The following TMCC1 variants were observed in gnomAD, a reference collection of about 807,000 sequenced individuals.
TMCC1 encodes transmembrane and coiled-coil domain family 1, also known as transmembrane and coiled-coil domains protein 1.
In TMCC1, 15 loss-of-function variants were observed where a neutral mutation model predicts 52.4. The ratio of observed to expected loss-of-function variants is 0.29; its 90% CI spans 0.19 to 0.44. The LOEUF is 0.44. Among genes scored for constraint, TMCC1 ranks in the 20% least tolerant of loss-of-function variants. The probability of loss-of-function intolerance (pLI) is 1.00; values close to 1 mark genes in which losing one functional copy is unlikely to be tolerated. For synonymous variants in TMCC1, 279 were observed against 301.9 expected, an observed-to-expected ratio of 0.92 and a Z score of 0.79; for missense variants, 503 against 806.0, an observed-to-expected ratio of 0.62 and a Z score of 4.55.
intron 2 of TMCC1, among the ~76,000 whole-genome samples, chr3:129,879,909 C>T (rs1451170625): frequency 1.3e-5 from 2 of 152,154 alleles, no homozygotes; most frequent in African/African-American, 2.4e-5. Context: ...CACAGTGGCT[C>T]ACACCTGTAA....
At chr3:129,665,744 C>G (rs1215421676) in intron 5 of TMCC1, among the ~76,000 whole-genome samples, 1 of 152,140 alleles carries the variant, frequency 6.6e-6, no homozygotes, top group Non-Finnish European at 1.5e-5. Context: ...TCAGACAAAA[C>G]TGGGTTTTGA....
At chr3:129,875,330 AT>A (rs139256934) in intron 2 of TMCC1, among the ~76,000 whole-genome samples, 2,336 of 152,000 alleles carry the variant, frequency 0.015, 46 homozygotes, top group African/African-American at 0.054. Context: ...TCTACTAAAA[AT>A]ACGAAAAAGA....
chr3:129,811,265 A>ATTTTTAAT (rs113538917), intron 4 of TMCC1, among the ~76,000 whole-genome samples: 1 of 152,010 alleles, frequency 6.6e-6, no homozygotes, highest in South Asian at 2.1e-4. Context: ...CATTTTATAT[A>ATTTTTAAT]TTATTTTTAA....
At chr3:129,809,385 T>G (rs540325724) in intron 4 of TMCC1, among the ~76,000 whole-genome samples, 1 of 152,252 alleles carries the variant, frequency 6.6e-6, no homozygotes, top group East Asian at 1.9e-4. Flanking sequence ...AAAGCAGATA[T>G]GACTTTTAAA....
chr3:129,649,620 G>A lies in TMCC1; in HGVS notation c.*1861C>T, dbSNP rs970387357. ...ATCCAGCTTGCCAAAGCAAAAGGAGGCTGGCACCATTAGGTAAACTGTCCT... is the reference window on the plus strand; with the variant it reads ...ATCCAGCTTGCCAAAGCAAAAGGAGACTGGCACCATTAGGTAAACTGTCCT... On this transcript the variant is annotated 3_prime_UTR_variant, in exon 7 of 7. Transcript: ENST00000393238. 2 of 152,554 alleles carry A rather than the reference G, an allele frequency of 1.3e-5. No homozygotes were observed. The highest frequency in any genetic ancestry group is 4.8e-5 in the African/African-American group (2 of 41,434). The allele number at this position is 152,554 out of a possible 1,614,324, so 9.5% of individuals were successfully genotyped here.
At chr3:129,819,979 A>C (rs1295706758) in intron 4 of TMCC1, 1 of 151,436 alleles carries the variant, frequency 6.6e-6, no homozygotes, top group Non-Finnish European at 1.5e-5. Flanking sequence ...TTCCCAGTGG[A>C]ACCCAGGAAG....
intron 2 of TMCC1, among the ~76,000 whole-genome samples, chr3:129,852,682 G>T (rs1037400485): frequency 2.0e-5 from 3 of 152,134 alleles, no homozygotes; most frequent in African/African-American, 7.2e-5. Context: ...AAATGGTTGA[G>T]ATGGTAAATT....
intron 4 of TMCC1, among the ~76,000 whole-genome samples, chr3:129,709,210 C>T (rs2048462673): frequency 6.6e-6 from 1 of 152,008 alleles, no homozygotes; most frequent in Non-Finnish European, 1.5e-5. Context: ...TGCCTGCAAT[C>T]CTAGCACTTT....
At chr3:129,868,145 A>AG (rs397970040) in intron 2 of TMCC1, among the ~76,000 whole-genome samples, 1 of 150,136 alleles carries the variant, frequency 6.7e-6, no homozygotes, top group African/African-American at 2.5e-5. Context: ...GGGGGGAAAA[A>AG]CCATACAAGC....
At chr3:129,696,089 C>CT (rs2047399374) in intron 4 of TMCC1, among the ~76,000 whole-genome samples, 1 of 152,172 alleles carries the variant, frequency 6.6e-6, no homozygotes, top group Non-Finnish European at 1.5e-5. Flanking sequence ...ACAGCTAGAT[C>CT]TTTTTCTTCC....
intron 4 of TMCC1, among the ~76,000 whole-genome samples, chr3:129,780,412 G>A (rs1379472576): frequency 6.6e-6 from 1 of 151,796 alleles, no homozygotes; most frequent in Non-Finnish European, 1.5e-5. Flanking sequence ...TTGACACTAA[G>A]CACCACCTCC....
chr3:129,800,925 A>ATTT (rs11394617), intron 4 of TMCC1, among the ~76,000 whole-genome samples: 2,798 of 117,810 alleles, frequency 0.024, 156 homozygotes, highest in Middle Eastern at 0.068. Context: ...ATCTCACACT[A>ATTT]TTTTTTTTTT....
Position 129,720,181 on chromosome 3 carries a change from CAAAAAAAA to C in TMCC1, c.577-48925_577-48918del, listed in dbSNP as rs765678095. ...TGGGCAACAGAGTAAGACCCTGTCTCAAAAAAAAAAAAAAAAAAAAAGAGATGGAATGT... is the reference window on the plus strand; with the variant it reads ...TGGGCAACAGAGTAAGACCCTGTCTCAAAAAAAAAAAAAGAGATGGAATGT... On this transcript the variant is annotated intron_variant, in intron 4 of 6. Coordinates refer to ENST00000393238, the MANE Select transcript of TMCC1 (RefSeq NM_001017395.5). Among the ~76,000 whole-genome samples the C allele has an allele frequency of 5.8e-4, 34 of 58,710 alleles. No individual in the cohort carries two copies. The East Asian group carries it at 6.6e-3, about 11-fold the overall frequency. The allele number at this position is 58,710 out of a possible 152,430, so 38.5% of individuals were successfully genotyped here. A position where few individuals can be genotyped will look rare whatever the true frequency, so the allele number is the denominator to read the frequency against.
At chr3:129,703,289 C>T (rs189214104) in intron 4 of TMCC1, among the ~76,000 whole-genome samples, 169 of 152,334 alleles carry the variant, frequency 1.1e-3, no homozygotes, top group African/African-American at 3.4e-3. Flanking sequence ...TGGCTACTTA[C>T]GGAAATCCAA....
intron 2 of TMCC1, among the ~76,000 whole-genome samples, chr3:129,850,543 G>A (rs190484974): frequency 1.3e-5 from 2 of 152,240 alleles, no homozygotes; most frequent in East Asian, 3.9e-4. Flanking sequence ...TTCAACAGTG[G>A]GGCTTCTCTG....
At chr3:129,870,727 G>A (rs1166277779) in intron 2 of TMCC1, among the ~76,000 whole-genome samples, 1 of 18,836 alleles carries the variant, frequency 5.3e-5, no homozygotes, top group African/African-American at 1.6e-4. Flanking sequence ...GCGGGGGGGG[G>A]GGGGGGGGGG....
At chr3:129,758,598 G>A (rs923794956) in intron 4 of TMCC1, among the ~76,000 whole-genome samples, 2 of 152,168 alleles carry the variant, frequency 1.3e-5, no homozygotes, top group Non-Finnish European at 2.9e-5. Flanking sequence ...CTTTATGTTA[G>A]TATCATAAAG....
chr3:129,741,322 T>C (rs1010528653), intron 4 of TMCC1, among the ~76,000 whole-genome samples: 1 of 152,182 alleles, frequency 6.6e-6, no homozygotes, highest in Non-Finnish European at 1.5e-5. Context: ...ATTTCCAAAT[T>C]TCAAATATAA....
At chr3:129,858,710 C>G (rs1354212568) in intron 2 of TMCC1, among the ~76,000 whole-genome samples, 1 of 151,824 alleles carries the variant, frequency 6.6e-6, no homozygotes, top group East Asian at 1.9e-4. Flanking sequence ...TACTCAGGAT[C>G]AAAAAAAATT....
Sources: gnomAD v4.1 joint callset for allele counts (sites outside exome capture counted in the v4.1 genomes callset) on GRCh38, gnomAD v4.1.1 for gene constraint, MANE v1.5 for transcripts, NCBI Gene and HGNC (gene_info 2026-07-23, HGNC 2026-07-21) for gene names.